Variants in KNL1 observed in about 807,000 individuals in gnomAD.
KNL1 encodes the protein kinetochore scaffold 1, also known as outer kinetochore KNL1 complex subunit KNL1.
KNL1 carries 66 observed loss-of-function variants against 201.3 expected under a neutral mutation model. The ratio of observed to expected loss-of-function variants is 0.33; its 90% CI spans 0.27 to 0.40. The LOEUF (loss-of-function observed/expected upper bound fraction) is 0.40. KNL1 is among the 10% of genes least tolerant of loss of function. The pLI, the probability that KNL1 is intolerant of heterozygous loss-of-function variation, is 1.00. For synonymous variants in KNL1, 895 were observed against 899.2 expected (o/e 1.00, Z 0.08); for missense variants, 2,815 against 2,690.5 (o/e 1.05, Z -1.02).
intron 13 of KNL1, among the ~76,000 whole-genome samples, chr15:40,637,866 A>C (rs1235394593): frequency 6.6e-6 from 1 of 151,196 alleles, no homozygotes; most frequent in Non-Finnish European, 1.5e-5. Context: ...AAATATTCCA[A>C]AAATCTGAAA....
intron 7 of KNL1, among the ~76,000 whole-genome samples, chr15:40,613,755 CA>C (rs1339637715): frequency 6.6e-6 from 1 of 151,386 alleles, no homozygotes; most frequent in Non-Finnish European, 1.5e-5. Flanking sequence ...TACAGGTGTG[CA>C]CCACTACACC....
At position 40,651,525 on chromosome 15, in the gene KNL1, T is replaced by A; in HGVS notation, c.6267T>A (p.Phe2089Leu). 1.2e-6 allele frequency: 2 copies of A among 1,610,044 alleles called. No individual in the cohort carries two copies. The highest frequency in any genetic ancestry group is 2.7e-5 in the African/African-American group (2 of 74,896). ...AGCAGACCCTTGCTCAAATAGACTT[T>A]ATGCAAAAACAAAGAAATAGAACTG... is the stretch of plus-strand genomic sequence containing the variant. ...QKEQTLAQID[F>L]MQKQRNRTEE... Residue 2089 changes from phenylalanine (F) to leucine (L), a missense_variant, in exon 20 of 26, where the codon TTT becomes TTA. Around this residue, in one of 3 missense-constraint regions of KNL1, gnomAD observed 334 missense variants for 362.6 expected, o/e 0.92. Transcript: ENST00000399668.
Position 40,657,485 on chromosome 15 carries a change from A to G in KNL1, c.6713+12A>G. ...ATTAATAATAATGAGTAAGTGTATT[A>G]GTTCCCAAGGACTGCCATGACAGAG... is the stretch of plus-strand genomic sequence containing the variant. On this transcript the variant is annotated intron_variant, in intron 24 of 25. Coordinates refer to ENST00000399668, the MANE Select transcript of KNL1 (RefSeq NM_144508.5). The G allele has an allele frequency of 3.0e-6, 4 of 1,312,056 alleles. No individual in the cohort carries two copies. The highest frequency in any genetic ancestry group is 4.4e-6 in the Non-Finnish European group (4 of 905,876). 81.3% of individuals were successfully genotyped at this position (1,312,056 alleles called of 1,614,324 possible).
rs749156028 is a variant in KNL1, at chr15:40,659,892, T to TTGTGTGTGTGTGTGTGTGTGTG, written c.6836+432_6836+433insGTGTGTGTGTGTGTGTGTGTGT. ...TTCTCTTGAGTTCATTTTGAAGAAT[T>TTGTGTGTGTGTGTGTGTGTGTG]TATGTGTGTGTGTGTGTGTGTGTGT... is the stretch of plus-strand genomic sequence containing the variant. On this transcript the variant is annotated intron_variant, in intron 25 of 25. Coordinates refer to ENST00000399668, the MANE Select transcript of KNL1 (RefSeq NM_144508.5). Among the ~76,000 whole-genome samples, 51 of 120,180 alleles carry TTGTGTGTGTGTGTGTGTGTGTG rather than the reference T, an allele frequency of 4.2e-4. 1 individual carries two copies. The East Asian group carries it at 7.3e-3, about 17-fold the overall frequency. 78.8% of individuals were successfully genotyped at this position (120,180 alleles called of 152,430 possible).
chr15:40,624,672 G>C lies in KNL1; in HGVS notation c.4408G>C (p.Ala1470Pro). The C allele has an allele frequency of 2.5e-6, 4 of 1,613,054 alleles. No homozygotes were observed. The highest frequency in any genetic ancestry group is 3.4e-6 in the Non-Finnish European group (4 of 1,179,592). Reference sequence around the variant, plus strand: ...TAAAGAAGAAGTAATACTGTCTAAAGCTGGAAATAAGAGTTTAAATATTAT... The same window carrying C: ...TAAAGAAGAAGTAATACTGTCTAAACCTGGAAATAAGAGTTTAAATATTAT... ...INKEEVILSK[A>P]GNKSLNIIEN... The change falls in exon 10 of 26, where the codon GCT (alanine) becomes CCT (proline). Residue 1470 changes from alanine (A) to proline (P), a missense_variant. Physicochemically the swap from Ala to Pro is conservative, Grantham distance 27. This residue lies in a region of KNL1 where 2,464 missense variants were observed against 2,291.7 expected (regional missense o/e 1.08). Coordinates refer to ENST00000399668, the MANE Select transcript of KNL1 (RefSeq NM_144508.5).
chr15:40,655,346 C>T (rs540690750), intron 22 of KNL1, among the ~76,000 whole-genome samples: 1 of 152,146 alleles, frequency 6.6e-6, no homozygotes, highest in East Asian at 1.9e-4. Context: ...GTAATCCCAG[C>T]ACTTTGGGAG....
Position 40,594,372 on chromosome 15 carries a change from CGAG to C in KNL1, c.-33_-31del, listed in dbSNP as rs774927329. The C allele has an allele frequency of 3.9e-5, 6 of 152,344 alleles. No individual in the cohort carries two copies. The highest frequency in any genetic ancestry group is 3.4e-3 in the Middle Eastern group (1 of 294). The allele number at this position is 152,344 out of a possible 1,614,324, so 9.4% of individuals were successfully genotyped here. ...CCAAACAAGTCTGCGCAAAATTTGT[CGAG>C]GAGGTTTGCCGCGGCAGGTAAAGAG... On this transcript the variant is annotated 5_prime_UTR_variant, in exon 1 of 26. Transcript: ENST00000399668.
In KNL1 at chr15:40,645,599, T is replaced by A. The variant is rs1005214200; in HGVS notation, c.5890-57T>A. The A allele has an allele frequency of 2.0e-5, 18 of 907,962 alleles. No individual in the cohort carries two copies. The South Asian group carries it at 3.1e-4, about 16-fold the overall frequency. 56.2% of individuals were successfully genotyped at this position (907,962 alleles called of 1,614,324 possible). ...GCAAAGCCTAGCCTTCCTAGACCAT[T>A]TACCTCTTCTGACTCGTTTGTTTTA... On this transcript the variant is annotated intron_variant, in intron 15 of 25. Coordinates refer to ENST00000399668, the MANE Select transcript of KNL1 (RefSeq NM_144508.5).
At chr15:40,633,385 C>T (rs1457178484) in intron 13 of KNL1, among the ~76,000 whole-genome samples, 1 of 150,514 alleles carries the variant, frequency 6.6e-6, no homozygotes, top group Admixed American at 6.6e-5. Flanking sequence ...TGTAGCACAA[C>T]ACATTACTCA....
In KNL1 at chr15:40,628,623, G is replaced by A; in HGVS notation, c.5528G>A (p.Ser1843Asn). The stretch of plus-strand genomic sequence containing the variant: ...GCTTTACTTCTAGCTTACCGCAGTA[G>A]TCAAATGGAATCACAGTTTCTCAGA... ...TSLDFSTYRS[S>N]QMESQFLRDT... Residue 1843 changes from serine to asparagine, a missense_variant, in exon 12 of 26, where the codon AGT (serine) becomes AAT (asparagine). Ser to Asn is a conservative substitution (Grantham distance 46, BLOSUM62 1). Transcript: ENST00000399668. 1 of 1,602,752 alleles carries A rather than the reference G, an allele frequency of 6.2e-7. No homozygotes were observed. Among genetic ancestry groups the A allele is most frequent in the Non-Finnish European group, 8.5e-7 (1 of 1,173,134 alleles).
intron 13 of KNL1, among the ~76,000 whole-genome samples, chr15:40,629,692 A>C (rs754613798): frequency 6.6e-6 from 1 of 151,594 alleles, no homozygotes; most frequent in Non-Finnish European, 1.5e-5. Flanking sequence ...TTGTAGAGAC[A>C]GGGTTTCACC....
intron 1 of KNL1, among the ~76,000 whole-genome samples, chr15:40,599,069 T>A (rs1891702770): frequency 6.6e-6 from 1 of 151,610 alleles, no homozygotes; most frequent in Non-Finnish European, 1.5e-5. Context: ...CTTCCCAGAG[T>A]GCTGGGATTA....
At chr15:40,602,858 G>C (rs1891852282) in intron 1 of KNL1, 57 bp from the exon 2 acceptor site, 1 of 935,064 alleles carries the variant, frequency 1.1e-6, no homozygotes. Flanking sequence ...TCTTTTCTTA[G>C]ACTGTAGTTG....
Position 40,622,229 on chromosome 15 carries a change from T to G in KNL1, c.1965T>G (p.Asp655Glu). 10 of 1,614,086 alleles carry G rather than the reference T, an allele frequency of 6.2e-6. No individual in the cohort carries two copies. The highest frequency in any genetic ancestry group is 8.5e-6 in the Non-Finnish European group (10 of 1,179,954). Residue 655 changes from aspartate to glutamate, a missense_variant, in exon 10 of 26, where the codon GAT (aspartate) becomes GAG (glutamate). By Grantham distance (45) the Asp-to-Glu change is conservative. Coordinates refer to ENST00000399668, the MANE Select transcript of KNL1 (RefSeq NM_144508.5). ...AGATTTTGCCCTACCTTGATAAAGA[T>G]TCTCCTCAGTCAGCTGATTGTAATC... ...VLKILPYLDK[D>E]SPQSADCNQE...
chr15:40,620,216 ATT>A (rs11458507), intron 9 of KNL1, among the ~76,000 whole-genome samples: 55,990 of 148,430 alleles, frequency 0.38, 10,887 homozygotes, highest in Non-Finnish European at 0.44. Flanking sequence ...GCCTAGAATA[ATT>A]TTTTTTTTTT....
intron 17 of KNL1, among the ~76,000 whole-genome samples, chr15:40,647,717 A>G (rs1204254071): frequency 2.0e-5 from 3 of 152,212 alleles, no homozygotes; most frequent in African/African-American, 4.8e-5. Flanking sequence ...ATAATTCTGC[A>G]TAGTCATCAA....
intron 17 of KNL1, among the ~76,000 whole-genome samples, chr15:40,649,026 CGG>C (rs1399883381): frequency 6.8e-6 from 1 of 146,644 alleles, no homozygotes; most frequent in Non-Finnish European, 1.5e-5. Flanking sequence ...TTAGTAGAGA[CGG>C]GGTTTCTCCA....
intron 1 of KNL1, among the ~76,000 whole-genome samples, chr15:40,600,721 A>G (rs561453064): frequency 1.3e-5 from 2 of 152,350 alleles, no homozygotes; most frequent in South Asian, 4.1e-4. Flanking sequence ...ATCTCTAGCT[A>G]TTCTTTTTTG....
chr15:40,619,541 A>G (rs1158217318), intron 9 of KNL1, among the ~76,000 whole-genome samples: 1 of 151,900 alleles, frequency 6.6e-6, no homozygotes, highest in Non-Finnish European at 1.5e-5. Context: ...GGCTGGGACT[A>G]CAGGTGCATG....
Sources: allele counts gnomAD v4.1 joint callset (sites outside exome capture counted in the v4.1 genomes callset), GRCh38; gene constraint gnomAD v4.1.1; regional missense constraint gnomAD v4.1.1; transcripts MANE v1.5; gene names NCBI Gene and HGNC (gene_info 2026-07-23, HGNC 2026-07-21).